CWC27: variants seen among roughly 807,000 people sequenced by gnomAD.
CWC27 encodes the protein spliceosome-associated protein CWC27 homolog.
A neutral mutation model predicts 63.6 loss-of-function variants in CWC27; 47 were observed. The observed-to-expected ratio is 0.74, with a 90% CI of 0.58 to 0.94. The LOEUF is 0.94. CWC27 is among the 40% of genes least tolerant of loss of function. The pLI is 0.00. For missense variants in CWC27, 495 were observed against 554.3 expected (o/e 0.89, Z 1.07); for synonymous variants, 175 against 179.8 (o/e 0.97, Z 0.22).
chr5:64,866,029 A>C (rs1209099627), intron 10 of CWC27, among the ~76,000 whole-genome samples: 1 of 152,136 alleles, frequency 6.6e-6, no homozygotes, highest in Non-Finnish European at 1.5e-5. Context: ...TAGTTAAAAT[A>C]ATTACAAATG....
intron 13 of CWC27, among the ~76,000 whole-genome samples, chr5:65,004,378 CTTTTT>C (rs70983659): frequency 3.6e-4 from 29 of 79,524 alleles, no homozygotes; most frequent in African/African-American, 1.3e-3. Context: ...GTTGTATAGG[CTTTTT>C]TTTTTTTTTT....
rs1750088748 is a variant in CWC27, at chr5:65,018,406, G to C, written c.*85G>C. 1 of 1,175,574 alleles carries C rather than the reference G, an allele frequency of 8.5e-7. No homozygotes were observed. The highest frequency in any genetic ancestry group is 1.8e-5 in the South Asian group (1 of 54,386). The allele number at this position is 1,175,574 out of a possible 1,614,324, so 72.8% of individuals were successfully genotyped here. On this transcript the variant is annotated 3_prime_UTR_variant, in exon 14 of 14. Transcript: ENST00000381070. ...CCATTGTTCCCAACAGCATCACTTAGGGGTGTGAAAAGAAGTATTTTTGAA... is the reference window on the plus strand; with the variant it reads ...CCATTGTTCCCAACAGCATCACTTACGGGTGTGAAAAGAAGTATTTTTGAA...
intron 13 of CWC27, among the ~76,000 whole-genome samples, chr5:64,987,836 G>A (rs183959442): frequency 3.0e-4 from 45 of 152,198 alleles, no homozygotes; most frequent in African/African-American, 1.0e-3. Context: ...TATAAATAAT[G>A]CATTATTTTT....
intron 5 of CWC27, 49 bp from the exon 6 acceptor site, chr5:64,786,475 G>C: frequency 8.4e-7 from 1 of 1,187,556 alleles, no homozygotes; most frequent in Non-Finnish European, 1.2e-6. Context: ...TTGATTTTTT[G>C]TGAAATGTTA....
At chr5:64,902,392 G>A (rs895002463) in intron 11 of CWC27, among the ~76,000 whole-genome samples, 2 of 152,046 alleles carry the variant, frequency 1.3e-5, no homozygotes, top group Non-Finnish European at 2.9e-5. Flanking sequence ...TGTTAAATAG[G>A]GCATGACTGT....
chr5:64,870,182 A>G (rs1331471434), intron 10 of CWC27, among the ~76,000 whole-genome samples: 2 of 152,086 alleles, frequency 1.3e-5, no homozygotes, highest in Non-Finnish European at 2.9e-5. Context: ...AGTTTTATTA[A>G]ATTCATACAG....
At chr5:64,919,548 G>A (rs545567987) in intron 11 of CWC27, among the ~76,000 whole-genome samples, 15 of 152,142 alleles carry the variant, frequency 9.9e-5, no homozygotes, top group Admixed American at 4.6e-4. Flanking sequence ...TATTGTTCTC[G>A]TCTTTGTGGC....
At chr5:65,006,486 G>A (rs537051768) in intron 13 of CWC27, among the ~76,000 whole-genome samples, 2 of 151,934 alleles carry the variant, frequency 1.3e-5, no homozygotes, top group South Asian at 4.2e-4. Context: ...AAATTACCTG[G>A]CAATAGCCTT....
chr5:64,837,165 T>C (rs1410180055), intron 10 of CWC27, among the ~76,000 whole-genome samples: 1 of 152,124 alleles, frequency 6.6e-6, no homozygotes, highest in Non-Finnish European at 1.5e-5. Flanking sequence ...TGAGGCTCTC[T>C]CTGCATTTTT....
intron 11 of CWC27, among the ~76,000 whole-genome samples, chr5:64,948,038 A>G (rs576893428): frequency 1.1e-4 from 16 of 152,130 alleles, no homozygotes; most frequent in African/African-American, 3.4e-4. Context: ...CACTTATATC[A>G]TCTTGATTAC....
intron 10 of CWC27, among the ~76,000 whole-genome samples, chr5:64,839,239 G>A (rs1197277899): frequency 1.3e-5 from 2 of 152,144 alleles, no homozygotes; most frequent in African/African-American, 4.8e-5. Flanking sequence ...TAAAATATTT[G>A]TTGAGAAGAA....
intron 10 of CWC27, among the ~76,000 whole-genome samples, chr5:64,852,476 AC>A (rs1430468569): frequency 5.1e-4 from 69 of 135,850 alleles, no homozygotes; most frequent in African/African-American, 1.9e-3. Flanking sequence ...AAGGACGAAA[AC>A]CTTTTTTTTT....
intron 11 of CWC27, among the ~76,000 whole-genome samples, chr5:64,917,038 C>A (rs1747902966): frequency 6.6e-6 from 1 of 152,028 alleles, no homozygotes; most frequent in Admixed American, 6.6e-5. Context: ...GATGTTGTCA[C>A]CCTTTTTACC....
chr5:64,804,416 G>A (rs1744591919), intron 10 of CWC27, 30 bp downstream of exon 10: 1 of 1,533,470 alleles, frequency 6.5e-7, no homozygotes, highest in East Asian at 2.3e-5. Flanking sequence ...AGATATCAGA[G>A]TTTTTGTCTT....
chr5:64,972,676 A>C (rs1277979901), intron 12 of CWC27: 1 of 455,090 alleles, frequency 2.2e-6, no homozygotes, highest in African/African-American at 2.0e-5. Context: ...ACTTGTTTTC[A>C]TGAAATCACA....
intron 11 of CWC27, among the ~76,000 whole-genome samples, chr5:64,931,758 C>A (rs1239576015): frequency 2.6e-5 from 4 of 151,950 alleles, no homozygotes; most frequent in African/African-American, 9.7e-5. Flanking sequence ...CTATGCCACT[C>A]TATAAAAGTG....
chr5:64,831,044 TA>T (rs1472351534), intron 10 of CWC27, among the ~76,000 whole-genome samples: 4 of 152,112 alleles, frequency 2.6e-5, no homozygotes, highest in Non-Finnish European at 5.9e-5. Flanking sequence ...CTTGTATCAG[TA>T]ATTGCCTTAC....
At chr5:65,007,004 AAGAAAGAAAGAAAG>A (rs1480198111) in intron 13 of CWC27, among the ~76,000 whole-genome samples, 2 of 151,338 alleles carry the variant, frequency 1.3e-5, no homozygotes, top group South Asian at 2.1e-4. Flanking sequence ...GAAAGAAAGA[AAGAAAGAAAGAAAG>A]AAAGAAAAGA....
At chr5:64,892,389 A>G (rs1747259684) in intron 11 of CWC27, among the ~76,000 whole-genome samples, 1 of 152,188 alleles carries the variant, frequency 6.6e-6, no homozygotes, top group African/African-American at 2.4e-5. Flanking sequence ...TATTTCTTAC[A>G]TTATAAAAGT....
Sources: allele counts gnomAD v4.1 joint callset (sites outside exome capture counted in the v4.1 genomes callset), GRCh38; gene constraint gnomAD v4.1.1; transcripts MANE v1.5; gene names NCBI Gene and HGNC (gene_info 2026-07-23, HGNC 2026-07-21).